FHIP2A: variants seen among roughly 807,000 people sequenced by gnomAD.
The protein encoded by FHIP2A is family with sequence similarity 160 member B1.
A neutral mutation model predicts 93.5 loss-of-function variants in FHIP2A; 46 were observed. The ratio of observed to expected loss-of-function variants is 0.49; its 90% confidence interval spans 0.39 to 0.63. The LOEUF is 0.63. FHIP2A is among the 20% of genes least tolerant of loss of function. FHIP2A has a pLI of 0.00. For synonymous variants in FHIP2A, 332 were observed against 326.5 expected (o/e 1.02, Z -0.18); for missense variants, 769 against 909.7 (o/e 0.85, Z 1.99).
At chr10:114,826,174 C>G (rs1444689344) in intron 1 of FHIP2A, among the ~76,000 whole-genome samples, 1 of 152,302 alleles carries the variant, frequency 6.6e-6, no homozygotes, top group South Asian at 2.1e-4. Flanking sequence ...AAGCCTGGCT[C>G]CAAGTGAGGG....
Position 114,861,430 on chromosome 10 carries a change from A to G in FHIP2A, c.2193-5A>G. 1 of 1,613,822 alleles carries G rather than the reference A, an allele frequency of 6.2e-7. No individual in the cohort carries two copies. The highest frequency in any genetic ancestry group is 8.5e-7 in the Non-Finnish European group (1 of 1,179,918). ...TTGATTTATTGTCTGTTTTTTCCTT[A>G]CCAGTATTGACCACATCACACTGCT... is the stretch of plus-strand genomic sequence containing the variant. On this transcript the variant is annotated splice_region_variant and splice_polypyrimidine_tract_variant and intron_variant, in intron 16 of 16. Transcript: ENST00000369248.
chr10:114,853,177 T>C (rs968755126), intron 13 of FHIP2A, among the ~76,000 whole-genome samples: 1 of 152,220 alleles, frequency 6.6e-6, no homozygotes, highest in Non-Finnish European at 1.5e-5. Flanking sequence ...TCCCTCAAAA[T>C]ATGTAGCTTA....
chr10:114,864,868 AG>A (rs1311189183), downstream of FHIP2A, among the ~76,000 whole-genome samples: 4 of 152,192 alleles, frequency 2.6e-5, no homozygotes, highest in South Asian at 4.1e-4. Flanking sequence ...GAGAACAAAA[AG>A]CAATGTATCT....
Position 114,843,237 on chromosome 10 carries a change from G to A in FHIP2A, c.816+11G>A, listed in dbSNP as rs189424489. 77 of 1,555,300 alleles carry A rather than the reference G, an allele frequency of 5.0e-5. No homozygotes were observed. The Admixed American group carries it at 1.4e-3, about 27-fold the overall frequency. On this transcript the variant is annotated intron_variant, in intron 6 of 16. Coordinates refer to ENST00000369248, the MANE Select transcript of FHIP2A (RefSeq NM_020940.4). ...CTTACTAGAAGTCCTGTGAGTTATG[G>A]TCCTTACTTTTTCCCCCCTAACATT...
intron 1 of FHIP2A, among the ~76,000 whole-genome samples, chr10:114,822,384 C>T (rs534308761): frequency 1.3e-5 from 2 of 151,788 alleles, no homozygotes; most frequent in East Asian, 3.9e-4. Flanking sequence ...GGAGCCGGGG[C>T]GGGGGTGCCG....
rs1592026006 is a variant in FHIP2A, at chr10:114,860,927, A to C, written c.2088+38A>C. The C allele has an allele frequency of 2.6e-6, 4 of 1,564,980 alleles. No individual in the cohort carries two copies. The East Asian group carries it at 9.0e-5, about 35-fold the overall frequency. The stretch of plus-strand genomic sequence containing the variant: ...TTCTGTTATATTCCCTAGGATTGAT[A>C]AATCTGTGCAATTAATATGTTAATA... On this transcript the variant is annotated intron_variant, in intron 15 of 16. Transcript: ENST00000369248.
rs368855318 is a variant in FHIP2A, at chr10:114,845,993, A to G, written c.1129-20A>G. Reference sequence around the variant, plus strand: ...TTCTTTTATATTAAAAAAAAAAATGATGTTCCTACTATATTCTAGACTGCT... The same window carrying G: ...TTCTTTTATATTAAAAAAAAAAATGGTGTTCCTACTATATTCTAGACTGCT... On this transcript the variant is annotated intron_variant, in intron 8 of 16. Transcript: ENST00000369248. 6.8e-5 allele frequency: 105 copies of G among 1,550,658 alleles called. No homozygotes were observed. The highest frequency in any genetic ancestry group is 8.4e-5 in the Non-Finnish European group (96 of 1,140,752).
At chr10:114,890,753 ATATAG>A (rs1031546462) in intron 16 of FHIP2A, among the ~76,000 whole-genome samples, 8 of 145,524 alleles carry the variant, frequency 5.5e-5, no homozygotes, top group Non-Finnish European at 5.9e-5. Context: ...TATGACATAC[ATATAG>A]TATATAAAAT....
At chr10:114,833,142 T>C (rs559191196) in intron 2 of FHIP2A, 91 bp from the exon 3 acceptor site, 11 of 992,614 alleles carry the variant, frequency 1.1e-5, no homozygotes, top group Non-Finnish European at 1.6e-5. Context: ...TTTCTCAGTT[T>C]GAATAGGAAA....
At chr10:114,824,326 C>T (rs1204577351) in intron 1 of FHIP2A, among the ~76,000 whole-genome samples, 1 of 152,134 alleles carries the variant, frequency 6.6e-6, no homozygotes, top group Non-Finnish European at 1.5e-5. Flanking sequence ...TTCTTGTCCT[C>T]GTTATCTTTT....
chr10:114,850,723 G>T (rs2083729896), intron 13 of FHIP2A, among the ~76,000 whole-genome samples: 1 of 151,962 alleles, frequency 6.6e-6, no homozygotes, highest in South Asian at 2.1e-4. Context: ...AAATTCCTTT[G>T]CCTGTGTTTT....
At position 114,861,928 on chromosome 10, in the gene FHIP2A, G is replaced by A; in HGVS notation, c.*388G>A. ...TTTTGACATTCTCTGGGACTCAAATGCTTGTATTCTTTTGGATTAATAAGT... is the reference window on the plus strand; with the variant it reads ...TTTTGACATTCTCTGGGACTCAAATACTTGTATTCTTTTGGATTAATAAGT... On this transcript the variant is annotated 3_prime_UTR_variant, in exon 17 of 17. Transcript: ENST00000369248. 1.0e-6 allele frequency: 1 copy of A among 987,250 alleles called. No individual in the cohort carries two copies. Among genetic ancestry groups the A allele is most frequent in the South Asian group, 4.7e-5 (1 of 21,322 alleles). 61.2% of individuals were successfully genotyped at this position (987,250 alleles called of 1,614,324 possible). A position where few individuals can be genotyped will look rare whatever the true frequency, so the allele number is the denominator to read the frequency against.
chr10:114,875,457 G>A (rs577535192), intron 16 of FHIP2A, among the ~76,000 whole-genome samples: 1 of 152,304 alleles, frequency 6.6e-6, no homozygotes, highest in South Asian at 2.1e-4. Context: ...ACTTTGGCAG[G>A]CTGGGGAAGG....
Position 114,846,195 on chromosome 10 carries a change from C to A in FHIP2A, c.1226C>A (p.Thr409Lys), listed in dbSNP as rs766189784. The A allele has an allele frequency of 1.9e-6, 3 of 1,614,160 alleles. No homozygotes were observed. The highest frequency in any genetic ancestry group is 2.2e-5 in the South Asian group (2 of 91,082). Residue 409 changes from threonine to lysine, a missense_variant, in exon 10 of 17, where the codon ACA becomes AAA. Coordinates refer to ENST00000369248, the MANE Select transcript of FHIP2A (RefSeq NM_020940.4). Reference protein sequence around the residue: ...LMQTSEMGILTSTALLHRIVR... With the variant: ...LMQTSEMGILKSTALLHRIVR... ...CTCAGTTCTGAGATGGGTATTCTCA[C>A]ATCCACTGCTCTGCTTCATCGCATC...
rs2083715337 is a variant in FHIP2A, at chr10:114,848,503, T to C, written c.1713-144T>C. On this transcript the variant is annotated intron_variant, in intron 12 of 16. Transcript: ENST00000369248. Reference sequence around the variant, plus strand: ...ATTTGTATTAATACTTAGCTGAACTTACGATATCACTAGATGCTTTAGTAC... The same window carrying C: ...ATTTGTATTAATACTTAGCTGAACTCACGATATCACTAGATGCTTTAGTAC... The C allele has an allele frequency of 6.9e-6, 4 of 583,216 alleles. No individual in the cohort carries two copies. In the South Asian group the frequency reaches 8.9e-5, roughly 13 times the overall value. 36.1% of individuals were successfully genotyped at this position (583,216 alleles called of 1,614,324 possible).
intron 16 of FHIP2A, among the ~76,000 whole-genome samples, chr10:114,881,288 G>A (rs1432825471): frequency 6.6e-6 from 1 of 152,156 alleles, no homozygotes; most frequent in Non-Finnish European, 1.5e-5. Context: ...ACAGCCTTTT[G>A]GAGAGCTTTC....
intron 1 of FHIP2A, among the ~76,000 whole-genome samples, chr10:114,826,152 G>A (rs973383019): frequency 6.6e-6 from 1 of 152,188 alleles, no homozygotes; most frequent in Non-Finnish European, 1.5e-5. Context: ...CATGTCTTCT[G>A]AGTCACCACG....
At chr10:114,835,279 G>A (rs775631138) in intron 3 of FHIP2A, among the ~76,000 whole-genome samples, 4 of 152,122 alleles carry the variant, frequency 2.6e-5, no homozygotes, top group African/African-American at 7.2e-5. Flanking sequence ...TATTATTACC[G>A]TGCTGTTTGT....
At chr10:114,867,714 T>G (rs2083836870), downstream of FHIP2A, among the ~76,000 whole-genome samples, 1 of 152,036 alleles carries the variant, frequency 6.6e-6, no homozygotes, top group African/African-American at 2.4e-5. Flanking sequence ...AGAGATAGGA[T>G]GTGTAGACCT....
Sources: allele counts gnomAD v4.1 joint callset (sites outside exome capture counted in the v4.1 genomes callset), GRCh38; gene constraint gnomAD v4.1.1; transcripts MANE v1.5; gene names NCBI Gene and HGNC (gene_info 2026-07-23, HGNC 2026-07-21).